SYNE2: variants seen among roughly 807,000 people sequenced by gnomAD.
SYNE2 encodes the protein spectrin repeat containing nuclear envelope protein 2, also known as nesprin-2.
Under a neutral mutation model 856.3 loss-of-function variants are expected in SYNE2, and 431 were observed. That is an observed-to-expected ratio of 0.50 (90% CI 0.47 to 0.55). The LOEUF is 0.55. SYNE2 is among the 20% of genes least tolerant of loss of function. The pLI, the probability that SYNE2 is intolerant of heterozygous loss-of-function variation, is 0.00. For synonymous variants in SYNE2, 2,923 were observed against 2,872.3 expected (o/e 1.02, Z -0.56); for missense variants, 8,129 against 8,023.2 (o/e 1.01, Z -0.50).
chr14:63,940,466 A>G (rs2095897837), intron 2 of SYNE2, 148 bp from the exon 3 acceptor site: 1 of 719,322 alleles, frequency 1.4e-6, no homozygotes. Context: ...ACTTGGACAA[A>G]CATCTACAGT....
At chr14:63,961,883 GTTC>G (rs908880263) in intron 9 of SYNE2, among the ~76,000 whole-genome samples, 6 of 148,686 alleles carry the variant, frequency 4.0e-5, no homozygotes, top group African/African-American at 1.5e-4. Context: ...AGTGTTGAAT[GTTC>G]TTTTTTTTTT....
chr14:64,138,946 G>GTGTGT (rs1465109787), intron 79 of SYNE2, among the ~76,000 whole-genome samples: 1 of 137,696 alleles, frequency 7.3e-6, no homozygotes. Context: ...GTGTATGTAT[G>GTGTGT]GTGTGTGTGT....
chr14:63,853,886 C>A (rs1203380984), intron 1 of SYNE2, among the ~76,000 whole-genome samples: 1 of 152,000 alleles, frequency 6.6e-6, no homozygotes, highest in African/African-American at 2.4e-5. Context: ...GGCACCTTCT[C>A]CTCCTTAGGT....
chr14:63,830,264 GT>G (rs79592787), intron 1 of SYNE2, among the ~76,000 whole-genome samples: 1,595 of 140,932 alleles, frequency 0.011, 21 homozygotes, highest in African/African-American at 0.037. Context: ...ACAGTGTGAG[GT>G]TTTTTTTTTT....
intron 1 of SYNE2, 145 bp downstream of exon 1, chr14:63,853,288 G>C (rs1890835791): frequency 6.6e-6 from 1 of 152,052 alleles, no homozygotes; most frequent in Non-Finnish European, 1.5e-5. Flanking sequence ...CCGATGCCGG[G>C]GTCCGAGCCG....
At chr14:63,993,772 T>G (rs1289075998) in intron 21 of SYNE2, 63 bp from the exon 22 acceptor site, 4 of 1,473,754 alleles carry the variant, frequency 2.7e-6, no homozygotes, top group Non-Finnish European at 3.7e-6. Context: ...CTTAGAGGAT[T>G]TTGAGGATTT....
chr14:64,065,754 C>T, intron 51 of SYNE2, 104 bp downstream of exon 51: 1 of 1,275,390 alleles, frequency 7.8e-7, no homozygotes, highest in Non-Finnish European at 1.1e-6. Flanking sequence ...TTAGCCTATA[C>T]CATTTGTGCA....
intron 41 of SYNE2, among the ~76,000 whole-genome samples, chr14:64,026,138 A>G (rs2096976450): frequency 6.6e-6 from 1 of 152,154 alleles, no homozygotes; most frequent in African/African-American, 2.4e-5. Context: ...TTTCCCAGAG[A>G]AAGTGAGAAC....
At chr14:63,868,066 AAAG>A (rs1230617632) in intron 1 of SYNE2, among the ~76,000 whole-genome samples, 1 of 152,132 alleles carries the variant, frequency 6.6e-6, no homozygotes, top group African/African-American at 2.4e-5. Context: ...AAAAAAAGAA[AAAG>A]AAGCTTTTTG....
At position 64,119,746 on chromosome 14, in the gene SYNE2, C is replaced by G. The variant is rs954783224; in HGVS notation, c.13023+137C>G. 2.7e-5 allele frequency: 22 copies of G among 825,106 alleles called. No individual in the cohort carries two copies. The East Asian group carries it at 4.5e-4, about 17-fold the overall frequency. 51.1% of individuals were successfully genotyped at this position (825,106 alleles called of 1,614,324 possible). A position where few individuals can be genotyped will look rare whatever the true frequency, so the allele number is the denominator to read the frequency against. On this transcript the variant is annotated intron_variant, in intron 67 of 115. Transcript: ENST00000555002. The stretch of plus-strand genomic sequence containing the variant: ...TGTGAAAGAATTTCACACATTAACA[C>G]CATAGATGAGTACACTGGCTTGTTA...
At chr14:64,062,932 C>A (rs1567189844) in intron 50 of SYNE2, 37 bp downstream of exon 50, 1 of 1,613,570 alleles carries the variant, frequency 6.2e-7, no homozygotes, top group East Asian at 2.2e-5. Context: ...AGTCTGTGTG[C>A]AAAAAATTGC....
intron 1 of SYNE2, among the ~76,000 whole-genome samples, chr14:63,875,589 G>A (rs979786978): frequency 3.3e-5 from 5 of 151,990 alleles, no homozygotes; most frequent in African/African-American, 2.4e-5. Flanking sequence ...AGACCTTTAT[G>A]GGACACTGAG....
At chr14:64,152,487 T>A (rs976389212) in intron 84 of SYNE2, 77 bp from the exon 85 acceptor site, 1 of 1,442,184 alleles carries the variant, frequency 6.9e-7, no homozygotes, top group African/African-American at 1.4e-5. Flanking sequence ...TTGAAAAGAG[T>A]GAACTCCTGT....
At position 63,791,263 on chromosome 14, in the gene SYNE2, G is replaced by A. The variant is rs55830411; in HGVS notation, c.-305+29277G>A. 3.9e-5 allele frequency among the ~76,000 whole-genome samples: 6 copies of A among 152,178 alleles called. No homozygotes were observed. The South Asian group carries it at 8.3e-4, about 21-fold the overall frequency. ...AGGCATGAACCAGTGTCCAGCCAGAGTGATTCTGATTGGCCCAATCCCGCC... is the reference window on the plus strand; with the variant it reads ...AGGCATGAACCAGTGTCCAGCCAGAATGATTCTGATTGGCCCAATCCCGCC... On this transcript the variant is annotated intron_variant, in intron 1 of 23. Coordinates refer to the SYNE2 transcript ENST00000674003.
chr14:64,053,705 G>A (rs1384752575), intron 48 of SYNE2, 48 bp downstream of exon 48: 12 of 1,570,232 alleles, frequency 7.6e-6, no homozygotes, highest in East Asian at 2.3e-5. Context: ...GGGGGCTCAC[G>A]CCTGTAATCC....
chr14:63,783,224 C>T (rs1887383465), intron 1 of SYNE2, among the ~76,000 whole-genome samples: 1 of 152,068 alleles, frequency 6.6e-6, no homozygotes, highest in Non-Finnish European at 1.5e-5. Context: ...TTTGGTAGTT[C>T]CTCCTGCGCT....
Position 64,221,719 on chromosome 14 carries a change from A to G in SYNE2, c.20190+15A>G. 3 of 1,613,512 alleles carry G rather than the reference A, an allele frequency of 1.9e-6. No homozygotes were observed. Among genetic ancestry groups the G allele is most frequent in the South Asian group, 2.2e-5 (2 of 91,062 alleles). ...GGGAACTAATGGTAAGTTTCCTCCC[A>G]AGGGCTCTGTACTGCCACCAGCCTC... On this transcript the variant is annotated intron_variant, in intron 112 of 115. Coordinates refer to ENST00000555002, the MANE Select transcript of SYNE2 (RefSeq NM_182914.3).
rs1052853254 is a variant in SYNE2 at position 64,085,091 on chromosome 14, G to A, written c.11485-2580G>A. 5 of 694,056 alleles carry A rather than the reference G, an allele frequency of 7.2e-6. No homozygotes were observed. In the Admixed American group the frequency reaches 1.0e-4, roughly 14 times the overall value. The allele number at this position is 694,056 out of a possible 1,614,324, so 43.0% of individuals were successfully genotyped here. A position where few individuals can be genotyped will look rare whatever the true frequency, so the allele number is the denominator to read the frequency against. ...AGCCACATTTTTTTTTTTTCTTTTA[G>A]AGACAGGGTCTTGCTCTGTCACCCA... On this transcript the variant is annotated intron_variant, in intron 57 of 115. Transcript: ENST00000555002.
intron 99 of SYNE2, chr14:64,190,452 A>G: frequency 1.5e-6 from 1 of 649,238 alleles, no homozygotes; most frequent in Non-Finnish European, 2.7e-6. Context: ...TTTAGCTTAC[A>G]ACTTTACATG....
Sources: allele counts gnomAD v4.1 joint callset (sites outside exome capture counted in the v4.1 genomes callset), GRCh38; gene constraint gnomAD v4.1.1; transcripts MANE v1.5; gene names NCBI Gene and HGNC (gene_info 2026-07-23, HGNC 2026-07-21).